Variants in IL34 observed in about 807,000 individuals in gnomAD.
The protein encoded by IL34 is interleukin 34, also known as interleukin-34.
IL34 carries 17 observed loss-of-function variants against 25.3 expected under a neutral mutation model. That is an observed-to-expected ratio of 0.67 (90% CI 0.46 to 1.01). The LOEUF (loss-of-function observed/expected upper bound fraction) is 1.01, where lower values mean the gene tolerates loss of function less well. IL34 is among the 50% of genes least tolerant of loss of function. The probability of loss-of-function intolerance (pLI) is 0.00; values close to 1 mark genes in which losing one functional copy is unlikely to be tolerated. For synonymous variants in IL34, 174 were observed against 140.9 expected (o/e 1.23, Z -1.66); for missense variants, 368 against 312.9 (o/e 1.18, Z -1.33).
In IL34 at chr16:70,656,643, C is replaced by T. The variant is rs140472147; in HGVS notation, c.204C>T (p.Tyr68=). 113 of 1,470,796 alleles carry T rather than the reference C, an allele frequency of 7.7e-5. No homozygotes were observed. The highest frequency in any genetic ancestry group is 1.9e-4 in the African/African-American group (14 of 72,280). The allele number at this position is 1,470,796 out of a possible 1,614,324, so 91.1% of individuals were successfully genotyped here. A position where few individuals can be genotyped will look rare whatever the true frequency, so the allele number is the denominator to read the frequency against. Reference sequence around the variant, plus strand: ...TCAACTACAAGATCAGTGTGCCTTACGAGGGGGTGTTCAGAATCGCCAACG... The same window carrying T: ...TCAACTACAAGATCAGTGTGCCTTATGAGGGGGTGTTCAGAATCGCCAACG... ...FPINYKISVP[Y]EGVFRIANVT... is the part of the protein sequence containing the mutation. Residue 68 remains tyrosine, a synonymous_variant, in exon 3 of 6, where the codon TAC becomes TAT. Transcript: ENST00000288098.
At chr16:70,641,690 C>A (rs532198130), upstream of IL34, among the ~76,000 whole-genome samples, 2 of 151,882 alleles carry the variant, frequency 1.3e-5, no homozygotes, top group Non-Finnish European at 2.9e-5. Context: ...CCTTAGCCTC[C>A]CTAGCAGCTG....
At position 70,660,483 on chromosome 16, in the gene IL34, C is replaced by T. The variant is rs1597785658; in HGVS notation, c.*296C>T. ...ACTGTCCCCCCGCCTAAAGGGGGTA[C>T]TGAGCCTCCTGTGGCCCGCAGCAGT... On this transcript the variant is annotated 3_prime_UTR_variant, in exon 6 of 6. Coordinates refer to ENST00000288098, the MANE Select transcript of IL34 (RefSeq NM_001393494.1). 8 of 320,558 alleles carry T rather than the reference C, an allele frequency of 2.5e-5. No homozygotes were observed. In the East Asian group the frequency reaches 4.3e-4, roughly 17 times the overall value. 19.9% of individuals were successfully genotyped at this position (320,558 alleles called of 1,614,324 possible). A position where few individuals can be genotyped will look rare whatever the true frequency, so the allele number is the denominator to read the frequency against.
intron 4 of IL34, 55 bp downstream of exon 4, chr16:70,657,176 CAT>C (rs2052253137): frequency 1.9e-6 from 3 of 1,570,848 alleles, no homozygotes; most frequent in Non-Finnish European, 2.6e-6. Flanking sequence ...CACGTGTGTA[CAT>C]GTGTGTGAGG....
chr16:70,609,797 G>C (rs2051064010), intron 1 of IL34, among the ~76,000 whole-genome samples: 1 of 152,186 alleles, frequency 6.6e-6, no homozygotes, highest in South Asian at 2.1e-4. Context: ...CATGAGGCTG[G>C]CATGGTCACT....
intron 1 of IL34, among the ~76,000 whole-genome samples, chr16:70,640,938 G>C (rs2051767481): frequency 6.6e-6 from 1 of 152,086 alleles, no homozygotes; most frequent in African/African-American, 2.4e-5. Flanking sequence ...TGTACATACA[G>C]GGTATATAGG....
intron 1 of IL34, among the ~76,000 whole-genome samples, chr16:70,650,200 A>T (rs1219678309): frequency 6.6e-6 from 1 of 152,032 alleles, no homozygotes; most frequent in African/African-American, 2.4e-5. Flanking sequence ...TGTGCAGAGC[A>T]TGTGGGGGAC....
intron 1 of IL34, 106 bp downstream of exon 1, chr16:70,647,081 C>A (rs188939094): frequency 9.9e-7 from 1 of 1,013,158 alleles, no homozygotes; most frequent in Non-Finnish European, 1.4e-6. Context: ...TGAGAAGTTG[C>A]GATGCTTCCC....
chr16:70,644,921 GA>G (rs750834616), upstream of IL34, among the ~76,000 whole-genome samples: 8,622 of 81,188 alleles, frequency 0.11, 527 homozygotes, highest in South Asian at 0.21. Context: ...GGAGGAGAAG[GA>G]GGAGGAAGGA....
In IL34 at chr16:70,632,429, A is replaced by G. The variant is rs911002253; in HGVS notation, c.-400-14119A>G. On this transcript the variant is annotated intron_variant, in intron 1 of 6. Transcript: ENST00000429149. ...ATCTCCTTTTGTAGGTGTTTAGCCT[A>G]TAGGAACCAAAGGAATGGAGCTGAA... is the stretch of plus-strand genomic sequence containing the variant. 2.6e-5 allele frequency among the ~76,000 whole-genome samples: 4 copies of G among 152,204 alleles called. No homozygotes were observed. In the South Asian group the frequency reaches 8.3e-4, roughly 31 times the overall value.
chr16:70,589,148 G>A (rs543727256), intron 1 of IL34, among the ~76,000 whole-genome samples: 1 of 152,186 alleles, frequency 6.6e-6, no homozygotes, highest in East Asian at 1.9e-4. Context: ...AGTGAGCCAA[G>A]GTCACGCCAT....
intron 4 of IL34, among the ~76,000 whole-genome samples, chr16:70,657,596 G>A (rs1169449842): frequency 6.6e-6 from 1 of 152,080 alleles, no homozygotes; most frequent in Non-Finnish European, 1.5e-5. Context: ...GCCAAATGGT[G>A]AAACCCCGTC....
intron 1 of IL34, among the ~76,000 whole-genome samples, chr16:70,635,545 G>A (rs1235985728): frequency 2.6e-5 from 4 of 152,146 alleles, no homozygotes; most frequent in East Asian, 3.9e-4. Context: ...GTCAGAGGTC[G>A]GAAGCTGGAG....
chr16:70,591,829 C>T (rs1052167610), intron 1 of IL34, among the ~76,000 whole-genome samples: 53 of 152,320 alleles, frequency 3.5e-4, no homozygotes, highest in Admixed American at 2.0e-3. Flanking sequence ...CCTGGCTTCT[C>T]CCTTCCCCCT....
intron 1 of IL34, among the ~76,000 whole-genome samples, chr16:70,585,675 G>C (rs969213262): frequency 6.6e-6 from 1 of 151,138 alleles, no homozygotes; most frequent in African/African-American, 2.4e-5. Flanking sequence ...GGTGACAGAG[G>C]GAGACTCTGT....
chr16:70,647,070 G>A, intron 1 of IL34, 95 bp downstream of exon 1: 2 of 1,146,800 alleles, frequency 1.7e-6, no homozygotes, highest in Non-Finnish European at 2.3e-6. Flanking sequence ...ATTCTTGCTG[G>A]TGAGAAGTTG....
chr16:70,591,670 A>G (rs1249949079), intron 1 of IL34, among the ~76,000 whole-genome samples: 1 of 151,784 alleles, frequency 6.6e-6, no homozygotes, highest in African/African-American at 2.4e-5. Context: ...GGGAGCTGTC[A>G]TTTACCTCTG....
chr16:70,602,177 G>A (rs1476521266), intron 1 of IL34, among the ~76,000 whole-genome samples: 1 of 152,128 alleles, frequency 6.6e-6, no homozygotes, highest in Non-Finnish European at 1.5e-5. Context: ...GGCTCCTTTG[G>A]CCTCACAATC....
chr16:70,642,417 C>T (rs1313367936), upstream of IL34, among the ~76,000 whole-genome samples: 1 of 151,720 alleles, frequency 6.6e-6, no homozygotes, highest in African/African-American at 2.4e-5. Context: ...CCTGCCTCAG[C>T]CTCCTGAGTA....
At chr16:70,637,751 T>C (rs1341727416) in intron 1 of IL34, among the ~76,000 whole-genome samples, 1 of 152,266 alleles carries the variant, frequency 6.6e-6, no homozygotes. Context: ...GAGACTTCTT[T>C]CCTCTGTCTT....
Sources: gnomAD v4.1 joint callset for allele counts (sites outside exome capture counted in the v4.1 genomes callset) on GRCh38, gnomAD v4.1.1 for gene constraint, MANE v1.5 for transcripts, NCBI Gene and HGNC (gene_info 2026-07-23, HGNC 2026-07-21) for gene names.